The following UVSSA variants were observed in gnomAD, a reference collection of about 807,000 sequenced individuals.
UVSSA encodes UV stimulated scaffold protein A, also known as UV-stimulated scaffold protein A.
Under a neutral mutation model 73.9 loss-of-function variants are expected in UVSSA, and 72 were observed. The observed-to-expected ratio is 0.97, with a 90% CI of 0.81 to 1.19. UVSSA has a LOEUF of 1.19. Ranked by LOEUF, UVSSA falls within the 50% of genes most tolerant of loss-of-function variation. The pLI is 0.00. For synonymous variants in UVSSA, 454 were observed against 391.3 expected, an observed-to-expected ratio of 1.16 and a Z score of -1.89; for missense variants, 1,150 against 965.0, an observed-to-expected ratio of 1.19 and a Z score of -2.54.
At chr4:1,376,496 C>T (rs1444417075) in intron 10 of UVSSA, among the ~76,000 whole-genome samples, 1 of 152,234 alleles carries the variant, frequency 6.6e-6, no homozygotes, top group Non-Finnish European at 1.5e-5. Context: ...GTTTGTCCTG[C>T]TTCAGGACTG....
rs917726752 is a variant in UVSSA, at chr4:1,375,216, G to A, written c.1289-148G>A. 178 of 1,327,590 alleles carry A rather than the reference G, an allele frequency of 1.3e-4. 1 individual carries two copies. The highest frequency in any genetic ancestry group is 5.2e-4 in the Middle Eastern group (2 of 3,882). 82.2% of individuals were successfully genotyped at this position (1,327,590 alleles called of 1,614,324 possible). ...GCTGCTCCGGGCCTCACCCTCGCCC[G>A]TGAGGAGCAGATAGCAGGCACCCAC... On this transcript the variant is annotated intron_variant, in intron 8 of 13. Transcript: ENST00000389851.
intron 11 of UVSSA, chr4:1,380,671 T>C: frequency 6.5e-7 from 1 of 1,536,688 alleles, no homozygotes; most frequent in Non-Finnish European, 8.8e-7. Flanking sequence ...ACCTTCCGGC[T>C]CCAGAGGAGG....
In UVSSA at chr4:1,384,161, C is replaced by A. The variant is rs907452595; in HGVS notation, c.2036+221C>A. On this transcript the variant is annotated intron_variant, in intron 13 of 13. Transcript: ENST00000389851. ...CTGCTCAGGAACGCCCCCCAGCATT[C>A]CCCAGGATAAGAGGGGCTCGACCGC... The A allele has an allele frequency of 2.9e-5, 17 of 577,482 alleles. No individual in the cohort carries two copies. In the African/African-American group the frequency reaches 3.2e-4, roughly 11 times the overall value. The allele number at this position is 577,482 out of a possible 1,614,324, so 35.8% of individuals were successfully genotyped here. A position where few individuals can be genotyped will look rare whatever the true frequency, so the allele number is the denominator to read the frequency against.
intron 5 of UVSSA, among the ~76,000 whole-genome samples, chr4:1,353,975 C>T (rs1325431306): frequency 6.6e-6 from 1 of 152,236 alleles, no homozygotes; most frequent in Non-Finnish European, 1.5e-5. Context: ...CTCCCAAGCC[C>T]CCTGCTGCCC....
chr4:1,345,523 T>A (rs1713595616), upstream of UVSSA, among the ~76,000 whole-genome samples: 1 of 151,832 alleles, frequency 6.6e-6, no homozygotes, highest in African/African-American at 2.4e-5. Flanking sequence ...CGGGTGACTG[T>A]CATCCCAGCT....
intron 8 of UVSSA, among the ~76,000 whole-genome samples, chr4:1,370,739 A>G (rs1210002018): frequency 6.6e-6 from 1 of 152,230 alleles, no homozygotes; most frequent in Non-Finnish European, 1.5e-5. Flanking sequence ...CCCTGCAGCT[A>G]CTGAGCACAG....
intron 12 of UVSSA, 90 bp downstream of exon 12, chr4:1,381,078 C>A: frequency 5.7e-6 from 7 of 1,236,002 alleles, no homozygotes; most frequent in Non-Finnish European, 6.8e-6. Context: ...AGTCACAGAG[C>A]ACCCGCTCTG....
upstream of UVSSA, among the ~76,000 whole-genome samples, chr4:1,347,014 G>A (rs1713778579): frequency 6.6e-6 from 1 of 152,210 alleles, no homozygotes; most frequent in Non-Finnish European, 1.5e-5. Context: ...GTCGAGCTCA[G>A]GGCACGTGCT....
Position 1,394,525 on chromosome 4 carries a change from C to T in UVSSA, c.*8564C>T, listed in dbSNP as rs776599944. ...CCTGCACCTCTTATGCATGAGCCCT[C>T]GCTTTGTGCCAATGTGGAGTGCCCG... is the stretch of plus-strand genomic sequence containing the variant. On this transcript the variant is annotated 3_prime_UTR_variant, in exon 14 of 14. Transcript: ENST00000511216. 102 of 1,558,758 alleles carry T rather than the reference C, an allele frequency of 6.5e-5. No individual in the cohort carries two copies. The highest frequency in any genetic ancestry group is 6.1e-4 in the Admixed American group (35 of 57,086).
Position 1,354,761 on chromosome 4 carries a change from G to A in UVSSA, c.961G>A (p.Asp321Asn). Residue 321 changes from aspartate (D) to asparagine (N), a missense_variant, in exon 6 of 14, where the codon GAC (aspartate) becomes AAC (asparagine). By Grantham distance (23) the Asp-to-Asn change is conservative (BLOSUM62 1). Transcript: ENST00000389851. ...GGGCCTGAAGGTGCAGGAGAACGAG[G>A]ACAACCTTGCTCTCATCCACGCCGC... ...SEGLKVQENE[D>N]NLALIHAARD... 1 of 1,613,600 alleles carries A rather than the reference G, an allele frequency of 6.2e-7. No homozygotes were observed. Among genetic ancestry groups the A allele is most frequent in the Non-Finnish European group, 8.5e-7 (1 of 1,179,946 alleles).
Position 1,383,819 on chromosome 4 carries a change from C to A in UVSSA, c.1915C>A (p.Leu639Ile). The change falls in exon 13 of 14, where the codon CTC becomes ATC. Residue 639 changes from leucine (L) to isoleucine (I), a missense_variant. Leu to Ile is a conservative substitution (Grantham distance 5). Coordinates refer to ENST00000389851, the MANE Select transcript of UVSSA (RefSeq NM_020894.4). The stretch of plus-strand genomic sequence containing the variant: ...CGTGGAAGCAGCCACAGGGCAGGAT[C>A]TCGGCTCATCCAGGTACAGCGGGAA... ...RDVEAATGQD[L>I]GSSRYSGKGR... 1.2e-6 allele frequency: 2 copies of A among 1,613,646 alleles called. No individual in the cohort carries two copies. Among genetic ancestry groups the A allele is most frequent in the Non-Finnish European group, 1.7e-6 (2 of 1,180,026 alleles).
At chr4:1,367,509 C>T (rs1393990613) in intron 8 of UVSSA, among the ~76,000 whole-genome samples, 1 of 152,216 alleles carries the variant, frequency 6.6e-6, no homozygotes, top group South Asian at 2.1e-4. Flanking sequence ...AGGCTTCTAA[C>T]GACCTTCCAT....
chr4:1,366,458 C>T (rs199669259), intron 8 of UVSSA, 27 bp downstream of exon 8: 2 of 1,550,128 alleles, frequency 1.3e-6, no homozygotes, highest in African/African-American at 1.4e-5. Flanking sequence ...GTGGGGGGGG[C>T]ACCTGGGTGG....
chr4:1,375,331 T>G (rs1157633922), intron 8 of UVSSA, 33 bp from the exon 9 acceptor site: 2 of 1,607,780 alleles, frequency 1.2e-6, no homozygotes, highest in East Asian at 2.2e-5. Context: ...GTTGTGGGAG[T>G]GGTGGCAGGG....
intron 8 of UVSSA, 45 bp downstream of exon 8, chr4:1,366,476 C>A (rs1156250374): frequency 1.3e-6 from 2 of 1,484,406 alleles, no homozygotes. Context: ...TGGAGGGTCC[C>A]CCACTCAGGA....
In UVSSA at chr4:1,381,058, G is replaced by A. The variant is rs374767199; in HGVS notation, c.1861+70G>A. The stretch of plus-strand genomic sequence containing the variant: ...CTCACTGCCACTAGTGGCCCGGGGT[G>A]TGTCTGCAGAGTCACAGAGCACCCG... On this transcript the variant is annotated intron_variant, in intron 12 of 13. Transcript: ENST00000389851. 900 of 1,448,994 alleles carry A rather than the reference G, an allele frequency of 6.2e-4. 4 individuals carry two copies. In the African/African-American group the frequency reaches 0.011, roughly 17 times the overall value. The allele number at this position is 1,448,994 out of a possible 1,614,324, so 89.8% of individuals were successfully genotyped here.
chr4:1,388,304 G>A (rs1278017060), downstream of UVSSA: 4 of 152,214 alleles, frequency 2.6e-5, no homozygotes, highest in Admixed American at 6.5e-5. Flanking sequence ...ATATGTGGAA[G>A]TACAACTGAC....
chr4:1,349,909 A>T, intron 3 of UVSSA, 55 bp downstream of exon 3: 1 of 1,425,634 alleles, frequency 7.0e-7, no homozygotes, highest in Non-Finnish European at 9.3e-7. Context: ...TGAGGAGGGC[A>T]GACGATACCA....
chr4:1,377,525 AG>A (rs1231903629), intron 10 of UVSSA, among the ~76,000 whole-genome samples: 1 of 152,000 alleles, frequency 6.6e-6, no homozygotes, highest in Non-Finnish European at 1.5e-5. Context: ...CATTGCCACC[AG>A]GGGTGCCCCA....
Sources: allele counts gnomAD v4.1 joint callset (sites outside exome capture counted in the v4.1 genomes callset), GRCh38; gene constraint gnomAD v4.1.1; transcripts MANE v1.5; gene names NCBI Gene and HGNC (gene_info 2026-07-23, HGNC 2026-07-21).